Variants in COBLL1 observed in about 807,000 individuals in gnomAD.
The protein encoded by COBLL1 is cordon-bleu WH2 repeat protein like 1, also known as cordon-bleu protein-like 1.
A neutral mutation model predicts 94.8 loss-of-function variants in COBLL1; 50 were observed. That is an observed-to-expected ratio of 0.53 (90% CI 0.42 to 0.67). The LOEUF is 0.67. Ranked by LOEUF, COBLL1 falls within the 30% of genes least tolerant of loss-of-function variation. The pLI, the probability that COBLL1 is intolerant of heterozygous loss-of-function variation, is 0.00. For missense variants in COBLL1, 1,362 were observed against 1,348.7 expected (o/e 1.01, Z -0.15); for synonymous variants, 448 against 473.8 (o/e 0.95, Z 0.71).
At chr2:164,790,976 T>C (rs1281992584) in intron 2 of COBLL1, among the ~76,000 whole-genome samples, 2 of 152,212 alleles carry the variant, frequency 1.3e-5, no homozygotes, top group Non-Finnish European at 2.9e-5. Context: ...CTCCAAAAGA[T>C]AACTCCTATC....
chr2:164,742,238 G>C (rs1686635197), intron 3 of COBLL1, among the ~76,000 whole-genome samples: 1 of 151,884 alleles, frequency 6.6e-6, no homozygotes, highest in African/African-American at 2.4e-5. Flanking sequence ...CAGAGAATAA[G>C]GCAATATGAA....
chr2:164,743,574 G>T, intron 3 of COBLL1, 113 bp downstream of exon 3: 1 of 856,182 alleles, frequency 1.2e-6, no homozygotes, highest in Non-Finnish European at 1.9e-6. Flanking sequence ...TAACTAAACT[G>T]AGTGATAAAT....
chr2:164,838,475 G>A (rs986187219), intron 2 of COBLL1, among the ~76,000 whole-genome samples: 5 of 152,064 alleles, frequency 3.3e-5, no homozygotes, highest in African/African-American at 1.2e-4. Flanking sequence ...AGAGTTAATG[G>A]TTAAATATAA....
At position 164,791,132 on chromosome 2, in the gene COBLL1, G is replaced by T. The variant is rs147083606; in HGVS notation, c.42-47257C>A. 4.2e-4 allele frequency among the ~76,000 whole-genome samples: 64 copies of T among 152,266 alleles called. 1 individual carries two copies. In the East Asian group the frequency reaches 0.011, roughly 27 times the overall value. ...AAAAAGTGCAGAATACTCTGCCAGAGATATAATAGACTCAGAACACTCTCC... is the reference window on the plus strand; with the variant it reads ...AAAAAGTGCAGAATACTCTGCCAGATATATAATAGACTCAGAACACTCTCC... On this transcript the variant is annotated intron_variant, in intron 2 of 13. Transcript: ENST00000652658.
chr2:164,774,922 G>A (rs926685390), intron 2 of COBLL1, among the ~76,000 whole-genome samples: 4 of 150,288 alleles, frequency 2.7e-5, no homozygotes, highest in South Asian at 2.1e-4. Context: ...CTGCTTGACT[G>A]CAGTAATCAT....
At chr2:164,809,720 C>T (rs150083646) in intron 2 of COBLL1, among the ~76,000 whole-genome samples, 108 of 152,004 alleles carry the variant, frequency 7.1e-4, no homozygotes, top group African/African-American at 2.4e-3. Context: ...TTTTGAAACA[C>T]CTGGAGTCAG....
intron 1 of COBLL1, among the ~76,000 whole-genome samples, chr2:164,672,731 G>GAAAAAAAA (rs1691265926): frequency 8.3e-6 from 1 of 120,116 alleles, no homozygotes; most frequent in African/African-American, 3.6e-5. Flanking sequence ...AAAAAAAAAT[G>GAAAAAAAA]ACTTTGTAAA....
chr2:164,700,638 A>T lies in COBLL1; in HGVS notation c.1344T>A (p.Ser448=). ...SPKSQDIPFV[S]TDIINTLKND... ...TTTTCAGTGTATTTATTATATCAGT[A>T]GATACAAAAGGAATATCTTGTGACT... Residue 448 remains serine (S), a synonymous_variant, in exon 10 of 14, where the codon TCT becomes TCA. Coordinates refer to ENST00000652658, the MANE Select transcript of COBLL1 (RefSeq NM_001365672.2). 1 of 1,613,050 alleles carries T rather than the reference A, an allele frequency of 6.2e-7. No individual in the cohort carries two copies. The highest frequency in any genetic ancestry group is 8.5e-7 in the Non-Finnish European group (1 of 1,179,078).
chr2:164,669,202 G>T (rs971485200), intron 1 of COBLL1, among the ~76,000 whole-genome samples: 3 of 152,208 alleles, frequency 2.0e-5, no homozygotes, highest in African/African-American at 7.2e-5. Flanking sequence ...AGTTTGGAAT[G>T]AATGAGGAAT....
intron 8 of COBLL1, 39 bp downstream of exon 8, chr2:164,704,913 C>A: frequency 6.6e-7 from 1 of 1,505,180 alleles, no homozygotes; most frequent in Non-Finnish European, 8.9e-7. Context: ...TTAAACAAAA[C>A]ACAATACAAA....
chr2:164,763,256 G>A (rs16849723), intron 2 of COBLL1, among the ~76,000 whole-genome samples: 5,656 of 151,292 alleles, frequency 0.037, 323 homozygotes, highest in African/African-American at 0.13. Context: ...AATATACTTC[G>A]TACGTATCAG....
intron 2 of COBLL1, among the ~76,000 whole-genome samples, chr2:164,662,012 T>C (rs1330708115): frequency 6.6e-6 from 1 of 152,212 alleles, no homozygotes. Context: ...TATCCAGATA[T>C]GCATCAAAAG....
chr2:164,814,535 T>C (rs1220716945), intron 2 of COBLL1, among the ~76,000 whole-genome samples: 1 of 152,184 alleles, frequency 6.6e-6, no homozygotes, highest in Non-Finnish European at 1.5e-5. Context: ...TCCATATACG[T>C]TTATCTCAAT....
intron 11 of COBLL1, 56 bp downstream of exon 11, chr2:164,699,349 G>T: frequency 1.8e-6 from 2 of 1,112,492 alleles, no homozygotes; most frequent in Non-Finnish European, 2.8e-6. Flanking sequence ...GTTAAGAACT[G>T]TCCTTGGCAC....
Position 164,751,060 on chromosome 2 carries a change from C to T in COBLL1, c.42-7185G>A, listed in dbSNP as rs1045846863. 3.3e-5 allele frequency among the ~76,000 whole-genome samples: 5 copies of T among 152,098 alleles called. No individual in the cohort carries two copies. In the South Asian group the frequency reaches 6.2e-4, roughly 19 times the overall value. ...ATAGCTTTGCCCTCGGTCCAAAATG[C>T]TTTTAACCAGAAAACTTCAAATTGC... On this transcript the variant is annotated intron_variant, in intron 2 of 13. Transcript: ENST00000652658.
At position 164,787,345 on chromosome 2, in the gene COBLL1, G is replaced by T. The variant is rs75210710; in HGVS notation, c.42-43470C>A. 3.7e-3 allele frequency among the ~76,000 whole-genome samples: 557 copies of T among 152,220 alleles called. 7 individuals carry two copies. Among genetic ancestry groups the T allele is most frequent in the African/African-American group, 0.012 (510 of 41,524 alleles). On this transcript the variant is annotated intron_variant, in intron 2 of 13. Coordinates refer to ENST00000652658, the MANE Select transcript of COBLL1 (RefSeq NM_001365672.2). ...TTATAATGTATCAAATACAAGTTAT[G>T]CAGATCTAATGCATGGCATGGTGAC...
In COBLL1 at chr2:164,728,047, A is replaced by T. The variant is rs1685805591; in HGVS notation, c.583T>A (p.Ser195Thr). ...TTTGTCAAGTCAAGAGGCTCCTGCG[A>T]TTGATAATCTTTCAACAATAGTGTA... ...LHTLLLKDYQ[S>T]QEPLDLTKSL... The change falls in exon 5 of 14, where the codon TCG becomes ACG. Residue 195 changes from serine (S) to threonine (T), a missense_variant. Physicochemically the swap from Ser to Thr is moderately conservative, Grantham distance 58 (BLOSUM62 1). Coordinates refer to ENST00000652658, the MANE Select transcript of COBLL1 (RefSeq NM_001365672.2). 3 of 1,613,710 alleles carry T rather than the reference A, an allele frequency of 1.9e-6. No individual in the cohort carries two copies. In the Admixed American group the frequency reaches 5.0e-5, roughly 27 times the overall value.
At chr2:164,752,078 T>C (rs1034561577) in intron 2 of COBLL1, among the ~76,000 whole-genome samples, 2 of 152,190 alleles carry the variant, frequency 1.3e-5, no homozygotes, top group Admixed American at 6.5e-5. Flanking sequence ...GAAGCACATA[T>C]GGAATGCTAG....
chr2:164,703,488 G>A, intron 9 of COBLL1: 1 of 398,594 alleles, frequency 2.5e-6, no homozygotes, highest in Non-Finnish European at 4.7e-6. Flanking sequence ...TTTCCTTTGT[G>A]GAAAAAAATG....
Sources: gnomAD v4.1 joint callset for allele counts (sites outside exome capture counted in the v4.1 genomes callset) on GRCh38, gnomAD v4.1.1 for gene constraint, MANE v1.5 for transcripts, NCBI Gene and HGNC (gene_info 2026-07-23, HGNC 2026-07-21) for gene names.